CPZ: variants seen among roughly 807,000 people sequenced by gnomAD.
The protein encoded by CPZ is VEZT/CPZ fusion.
In CPZ, 103 loss-of-function variants were observed where a neutral mutation model predicts 61.8. The ratio of observed to expected loss-of-function variants is 1.67; its 90% CI spans 1.42 to 1.96. The LOEUF (loss-of-function observed/expected upper bound fraction) is 1.96, where lower values mean the gene tolerates loss of function less well. Ranked by LOEUF, CPZ falls within the 30% of genes most tolerant of loss-of-function variation. CPZ has a pLI of 0.00. For synonymous variants in CPZ, 551 were observed against 373.7 expected (o/e 1.47, Z -5.47); for missense variants, 1,461 against 914.9 (o/e 1.60, Z -7.70).
chr4:8,610,488 C>T (rs3756164), intron 7 of CPZ, among the ~76,000 whole-genome samples: 2 of 152,148 alleles, frequency 1.3e-5, no homozygotes, highest in Non-Finnish European at 2.9e-5. Flanking sequence ...AAGGGTGACA[C>T]GGTGGGTTGG....
chr4:8,595,749 G>C lies in CPZ; in HGVS notation c.88+2828G>C, dbSNP rs183755938. On this transcript the variant is annotated intron_variant, in intron 1 of 10. Coordinates refer to ENST00000360986, the MANE Select transcript of CPZ (RefSeq NM_001014447.3). ...GGCACCTGTGAATGGGAGCGTACTT[G>C]GAAACAAGGTCTTTGTGGATGAAAT... 1.1e-3 allele frequency among the ~76,000 whole-genome samples: 162 copies of C among 152,356 alleles called. No homozygotes were observed. The Middle Eastern group carries it at 0.02, about 19-fold the overall frequency.
chr4:8,610,467 T>A (rs1045087056), intron 7 of CPZ, among the ~76,000 whole-genome samples: 7 of 152,032 alleles, frequency 4.6e-5, no homozygotes, highest in Non-Finnish European at 1.0e-4. Flanking sequence ...CAGGGAGGCC[T>A]TGTGGGTAGA....
intron 1 of CPZ, among the ~76,000 whole-genome samples, chr4:8,599,064 G>A (rs1020785724): frequency 5.9e-5 from 9 of 152,216 alleles, no homozygotes; most frequent in African/African-American, 1.2e-4. Flanking sequence ...AGCGGCTTAC[G>A]GTGGGAAGCT....
intron 8 of CPZ, among the ~76,000 whole-genome samples, chr4:8,612,739 C>G (rs1222544450): frequency 6.6e-6 from 1 of 152,180 alleles, no homozygotes; most frequent in African/African-American, 2.4e-5. Flanking sequence ...CCCGCCAGAC[C>G]AGGCACACAT....
chr4:8,614,307 CTGT>C (rs1715972702), intron 8 of CPZ, 49 bp from the exon 9 acceptor site: 1 of 1,579,750 alleles, frequency 6.3e-7, no homozygotes, highest in Non-Finnish European at 8.6e-7. Context: ...GACGTCCCGG[CTGT>C]CTCTGTGCGG....
chr4:8,609,172 C>G (rs7377931), intron 7 of CPZ, among the ~76,000 whole-genome samples: 1 of 41,858 alleles, frequency 2.4e-5, no homozygotes, highest in African/African-American at 1.3e-4. Context: ...ATTCACTCAC[C>G]CATTCACTCA....
rs139002359 is a variant in CPZ, at chr4:8,604,134, G to A, written c.655G>A (p.Gly219Ser). The A allele has an allele frequency of 2.1e-5, 33 of 1,591,764 alleles. No individual in the cohort carries two copies. The highest frequency in any genetic ancestry group is 1.7e-4 in the Admixed American group (10 of 57,856). Residue 219 changes from glycine to serine, a missense_variant, in exon 4 of 11, where the codon GGC (glycine) becomes AGC (serine). Physicochemically the swap from Gly to Ser is moderately conservative, Grantham distance 56 (BLOSUM62 0). Transcript: ENST00000360986. ...CTACAGCATCGGGCGCAGCTTCGAC[G>A]GCAGGGAGCTGCTGGTCATCGAGTT... ...RTYSIGRSFDGRELLVIEFSS... is the reference protein window; with the variant it reads ...RTYSIGRSFDSRELLVIEFSS...
chr4:8,615,361 A>G, intron 9 of CPZ, among the ~76,000 whole-genome samples: 1 of 152,190 alleles, frequency 6.6e-6, no homozygotes. Flanking sequence ...GGACCCCAAG[A>G]AGGGTCCAGG....
intron 9 of CPZ, chr4:8,617,966 T>G: frequency 5.3e-6 from 1 of 187,242 alleles, no homozygotes; most frequent in East Asian, 1.4e-4. Context: ...GTTATACACG[T>G]GTACGATGAA....
chr4:8,603,866 T>G, intron 3 of CPZ, 110 bp from the exon 4 acceptor site: 1 of 902,000 alleles, frequency 1.1e-6, no homozygotes, highest in Non-Finnish European at 1.8e-6. Context: ...TGTCCAAGCA[T>G]GGCTGTCGTG....
intron 7 of CPZ, among the ~76,000 whole-genome samples, chr4:8,609,302 CATTCACTCATGCACTT>C (rs1470596491): frequency 1.5e-5 from 2 of 130,498 alleles, no homozygotes; most frequent in African/African-American, 5.1e-5. Context: ...GTCATTCATC[CATTCACTCATGCACTT>C]ATTCACTCAC....
chr4:8,594,939 AT>A (rs1187681321), intron 1 of CPZ, among the ~76,000 whole-genome samples: 1 of 151,864 alleles, frequency 6.6e-6, no homozygotes, highest in African/African-American at 2.4e-5. Context: ...CGCCCAACTA[AT>A]TTTTTGTAGT....
rs1715058122 is a variant in CPZ at position 8,606,825 on chromosome 4, A to T, written c.995A>T (p.Tyr332Phe). ...AATTTCCCGGACCTGACGTCCGAGT[A>T]CTACCGGCTGGCGGAGACCCGCGGC... Reference protein sequence around the residue: ...NRNFPDLTSEYYRLAETRGAR... With the variant: ...NRNFPDLTSEFYRLAETRGAR... Residue 332 changes from tyrosine to phenylalanine, a missense_variant, in exon 6 of 11, where the codon TAC (tyrosine) becomes TTC (phenylalanine). Tyr to Phe is a conservative substitution (Grantham distance 22, BLOSUM62 3). Transcript: ENST00000360986. The T allele has an allele frequency of 2.5e-6, 4 of 1,613,956 alleles. No individual in the cohort carries two copies. Among genetic ancestry groups the T allele is most frequent in the Non-Finnish European group, 2.5e-6 (3 of 1,180,012 alleles).
rs1434384624 is a variant in CPZ at position 8,619,344 on chromosome 4, CAAG to C, written c.1689_1691del (p.Lys564del). ...AAGCCCCTGGCTACGCCAAAGTCAT[CAAG>C]AAAGTCATCATCCCCGCCCGGATGA... On this transcript the variant is annotated inframe_deletion, in exon 11 of 11. Coordinates refer to ENST00000360986, the MANE Select transcript of CPZ (RefSeq NM_001014447.3). The C allele has an allele frequency of 5.0e-6, 8 of 1,614,072 alleles. No individual in the cohort carries two copies. In the African/African-American group the frequency reaches 8.0e-5, roughly 16 times the overall value.
At chr4:8,599,261 G>A (rs1366097091) in intron 1 of CPZ, among the ~76,000 whole-genome samples, 192 bp from the exon 2 acceptor site, 1 of 152,242 alleles carries the variant, frequency 6.6e-6, no homozygotes, top group East Asian at 1.9e-4. Context: ...CTCAGACGCA[G>A]CTTTCATGCC....
At chr4:8,594,724 C>A (rs1714050946) in intron 1 of CPZ, among the ~76,000 whole-genome samples, 1 of 152,186 alleles carries the variant, frequency 6.6e-6, no homozygotes, top group South Asian at 2.1e-4. Context: ...TTTCTAGTAG[C>A]CACACTAATG....
intron 8 of CPZ, 55 bp from the exon 9 acceptor site, chr4:8,614,304 C>G: frequency 6.3e-7 from 1 of 1,578,356 alleles, no homozygotes. Context: ...CCTGACGTCC[C>G]GGCTGTCTCT....
chr4:8,618,108 C>T lies in CPZ; in HGVS notation c.1504-321C>T, dbSNP rs191733519. 7.9e-3 allele frequency: 2,643 copies of T among 334,376 alleles called. 104 individuals are homozygous for T. The highest frequency in any genetic ancestry group is 0.067 in the Admixed American group (1,458 of 21,728). The allele number at this position is 334,376 out of a possible 1,614,324, so 20.7% of individuals were successfully genotyped here. A position where few individuals can be genotyped will look rare whatever the true frequency, so the allele number is the denominator to read the frequency against. On this transcript the variant is annotated intron_variant, in intron 9 of 10. Transcript: ENST00000360986. ...GGCTGGGAAGGCAGGGAAGGAATGC[C>T]GATCAGGCAGAAGAGTGGCAGGAAA... is the stretch of plus-strand genomic sequence containing the variant.
At position 8,606,895 on chromosome 4, in the gene CPZ, T is replaced by G. The variant is rs150237935; in HGVS notation, c.1065T>G (p.Gly355=). 1 of 1,607,844 alleles carries G rather than the reference T, an allele frequency of 6.2e-7. No individual in the cohort carries two copies. The highest frequency in any genetic ancestry group is 8.5e-7 in the Non-Finnish European group (1 of 1,177,560). The change falls in exon 6 of 11, where the codon GGT becomes GGG. Residue 355 remains glycine (G), a synonymous_variant. Coordinates refer to ENST00000360986, the MANE Select transcript of CPZ (RefSeq NM_001014447.3). ...CCATCCCCCAGCACTACTGGTGGGG[T>G]AAGGTAGGAGCCGCCGCTGCCCATG... ...HIPIPQHYWW[G]KVAPETKAIM...
Sources: allele counts gnomAD v4.1 joint callset (sites outside exome capture counted in the v4.1 genomes callset), GRCh38; gene constraint gnomAD v4.1.1; transcripts MANE v1.5; gene names NCBI Gene and HGNC (gene_info 2026-07-23, HGNC 2026-07-21).